Variants in MYO16 observed in about 807,000 individuals in gnomAD.
The protein encoded by MYO16 is unconventional myosin-XVI.
Under a neutral mutation model 205.3 loss-of-function variants are expected in MYO16, and 94 were observed. The ratio of observed to expected loss-of-function variants is 0.46; its 90% CI spans 0.39 to 0.54. MYO16 has a LOEUF of 0.54. MYO16 is among the 20% of genes least tolerant of loss of function. The probability of loss-of-function intolerance (pLI) is 0.00; values close to 1 mark genes in which losing one functional copy is unlikely to be tolerated. For missense variants in MYO16, 2,315 were observed against 2,387.5 expected, an observed-to-expected ratio of 0.97 and a Z score of 0.63; for synonymous variants, 988 against 954.0, an observed-to-expected ratio of 1.04 and a Z score of -0.66.
At chr13:108,509,755 A>T in the MYO16 span, among the ~76,000 whole-genome samples, 25 of 152,304 alleles carry the variant, frequency 1.6e-4, no homozygotes, top group African/African-American at 6.0e-4. Context: ...TATGTAAAAA[A>T]CCTGCACATT....
intron 23 of MYO16, among the ~76,000 whole-genome samples, chr13:109,039,537 C>T (rs747090695): frequency 1.3e-4 from 20 of 152,048 alleles, no homozygotes; most frequent in South Asian, 6.2e-4. Flanking sequence ...AAATCAATAA[C>T]GGGAAGAAAA....
At chr13:109,076,428 G>A (rs1159766862) in intron 27 of MYO16, among the ~76,000 whole-genome samples, 2 of 152,146 alleles carry the variant, frequency 1.3e-5, no homozygotes, top group Non-Finnish European at 1.5e-5. Context: ...TTGATGGTGT[G>A]TTCACCATGG....
intron 10 of MYO16, among the ~76,000 whole-genome samples, chr13:108,848,206 C>T (rs1445411983): frequency 6.6e-6 from 1 of 152,150 alleles, no homozygotes; most frequent in East Asian, 1.9e-4. Flanking sequence ...ACTGGAATTG[C>T]ATACTCCGGT....
the MYO16 span, among the ~76,000 whole-genome samples, chr13:108,546,714 T>C: frequency 2.0e-5 from 3 of 152,170 alleles, no homozygotes; most frequent in Admixed American, 6.5e-5. Flanking sequence ...ACTCTTCCCA[T>C]CACAGCATGG....
intron 1 of MYO16, among the ~76,000 whole-genome samples, chr13:108,605,786 G>A (rs913423429): frequency 2.0e-5 from 3 of 152,122 alleles, no homozygotes; most frequent in Admixed American, 6.5e-5. Context: ...GTAGTGGGGC[G>A]CTGCTATAAA....
Position 109,206,915 on chromosome 13 carries a change from A to T in MYO16, c.*79A>T. On this transcript the variant is annotated 3_prime_UTR_variant, in exon 35 of 35. Transcript: ENST00000457511. ...CAACAACAGAAGGCTGCCTTCTGAC[A>T]TGCGCTGGGGCTTCTCTCCACGCAT... is the stretch of plus-strand genomic sequence containing the variant. 7.0e-6 allele frequency: 9 copies of T among 1,284,316 alleles called. No individual in the cohort carries two copies. The highest frequency in any genetic ancestry group is 9.9e-6 in the Non-Finnish European group (9 of 912,416). 79.6% of individuals were successfully genotyped at this position (1,284,316 alleles called of 1,614,324 possible).
chr13:109,111,742 A>G (rs910694415), intron 28 of MYO16, among the ~76,000 whole-genome samples: 6 of 150,458 alleles, frequency 4.0e-5, no homozygotes, highest in Admixed American at 1.3e-4. Flanking sequence ...GCTGGAGTGC[A>G]GTGGCACAAT....
chr13:109,170,972 C>T lies in MYO16; in HGVS notation c.5323+5913C>T, dbSNP rs568881260. Among the ~76,000 whole-genome samples, 40 of 152,218 alleles carry T rather than the reference C, an allele frequency of 2.6e-4. No homozygotes were observed. The South Asian group carries it at 8.1e-3, about 31-fold the overall frequency. On this transcript the variant is annotated intron_variant, in intron 33 of 34. Coordinates refer to ENST00000457511, the MANE Select transcript of MYO16 (RefSeq NM_001198950.3). ...CCACTTGAAAATCTCAAGAGTTATGCGTGCAAAAGGAAAATTATTTCAATT... is the reference window on the plus strand; with the variant it reads ...CCACTTGAAAATCTCAAGAGTTATGTGTGCAAAAGGAAAATTATTTCAATT...
chr13:109,117,428 GTATATATATGTATA>G (rs1019639795), intron 28 of MYO16, among the ~76,000 whole-genome samples: 3 of 92,720 alleles, frequency 3.2e-5, no homozygotes, highest in African/African-American at 9.8e-5. Context: ...ATGTATATGT[GTATATATATGTATA>G]TATATGTATA....
Position 108,629,814 on chromosome 13 carries a change from C to A in MYO16, c.-31C>A. The A allele has an allele frequency of 6.6e-7, 1 of 1,523,750 alleles. No individual in the cohort carries two copies. Among genetic ancestry groups the A allele is most frequent in the Non-Finnish European group, 8.8e-7 (1 of 1,137,256 alleles). 94.4% of individuals were successfully genotyped at this position (1,523,750 alleles called of 1,614,324 possible). A position where few individuals can be genotyped will look rare whatever the true frequency, so the allele number is the denominator to read the frequency against. On this transcript the variant is annotated 5_prime_UTR_variant, in exon 1 of 35. Coordinates refer to ENST00000457511, the MANE Select transcript of MYO16 (RefSeq NM_001198950.3). ...TTGTGACAGAAGAGAATGCTGGAAC[C>A]CGTAGCAAGATTCCTGTCTGAGATG...
chr13:108,501,479 AC>A, the MYO16 span, among the ~76,000 whole-genome samples: 2 of 152,152 alleles, frequency 1.3e-5, no homozygotes, highest in Non-Finnish European at 2.9e-5. Context: ...GGAAAAGAAA[AC>A]TCAGAGAGAC....
At chr13:108,740,466 A>C (rs141802528) in intron 4 of MYO16, among the ~76,000 whole-genome samples, 3 of 152,166 alleles carry the variant, frequency 2.0e-5, no homozygotes, top group Non-Finnish European at 4.4e-5. Flanking sequence ...GCTGAACAGC[A>C]AATGTTGCTG....
intron 2 of MYO16, among the ~76,000 whole-genome samples, chr13:108,708,993 C>T (rs1025143708): frequency 2.0e-5 from 3 of 151,410 alleles, no homozygotes; most frequent in African/African-American, 4.9e-5. Context: ...AAATCATGCC[C>T]CCCCACCCCC....
At chr13:108,740,890 G>T (rs978267572) in intron 4 of MYO16, among the ~76,000 whole-genome samples, 1 of 152,136 alleles carries the variant, frequency 6.6e-6, no homozygotes, top group African/African-American at 2.4e-5. Context: ...AGGCTGCTGT[G>T]CTAGCAATGA....
At chr13:109,161,011 T>C (rs576412755) in intron 32 of MYO16, among the ~76,000 whole-genome samples, 9 of 152,304 alleles carry the variant, frequency 5.9e-5, no homozygotes, top group African/African-American at 1.9e-4. Context: ...ATCCTCAGTG[T>C]GTTGAATCTA....
chr13:109,196,592 G>T (rs1358887968), intron 34 of MYO16, among the ~76,000 whole-genome samples: 1 of 152,124 alleles, frequency 6.6e-6, no homozygotes, highest in African/African-American at 2.4e-5. Flanking sequence ...AAGAACATAG[G>T]GGTGTTAGAG....
At chr13:108,655,098 G>A (rs769595289) in intron 1 of MYO16, among the ~76,000 whole-genome samples, 2 of 151,752 alleles carry the variant, frequency 1.3e-5, no homozygotes, top group African/African-American at 2.4e-5. Flanking sequence ...ACAAGCAGCC[G>A]AATGTTAATC....
At chr13:108,798,688 A>ATTT (rs35432777) in intron 6 of MYO16, among the ~76,000 whole-genome samples, 2,844 of 70,400 alleles carry the variant, frequency 0.04, 537 homozygotes, top group African/African-American at 0.05. Flanking sequence ...CCCGAGGCTT[A>ATTT]TTTTTTTTTT....
At chr13:108,648,227 G>A (rs1278316014) in intron 1 of MYO16, among the ~76,000 whole-genome samples, 1 of 152,188 alleles carries the variant, frequency 6.6e-6, no homozygotes, top group African/African-American at 2.4e-5. Flanking sequence ...CCAGTAATAT[G>A]CTCCCTGGTC....
Sources: gnomAD v4.1 joint callset for allele counts (sites outside exome capture counted in the v4.1 genomes callset) on GRCh38, gnomAD v4.1.1 for gene constraint, MANE v1.5 for transcripts, NCBI Gene and HGNC (gene_info 2026-07-23, HGNC 2026-07-21) for gene names.